The following USP6NL variants were observed in gnomAD, a reference collection of about 807,000 sequenced individuals.
USP6NL encodes USP6 N-terminal like.
A neutral mutation model predicts 61.9 loss-of-function variants in USP6NL; 26 were observed. That is an observed-to-expected ratio of 0.42 (90% confidence interval 0.31 to 0.58). The LOEUF is 0.58. Among genes scored for constraint, USP6NL ranks in the 20% least tolerant of loss-of-function variants. The pLI is 0.16. For missense variants in USP6NL, 1,114 were observed against 1,034.3 expected (o/e 1.08, Z -1.06); for synonymous variants, 432 against 390.1 (o/e 1.11, Z -1.27).
chr10:11,467,915 C>A (rs1832543136), intron 14 of USP6NL, among the ~76,000 whole-genome samples: 1 of 152,174 alleles, frequency 6.6e-6, no homozygotes, highest in Admixed American at 6.5e-5. Flanking sequence ...CATAAATCTG[C>A]AGTTTTGGTG....
rs946857102 is a variant in USP6NL, at chr10:11,490,347, T to C, written c.543+485A>G. Among the ~76,000 whole-genome samples the C allele has an allele frequency of 1.3e-5, 2 of 152,216 alleles. No individual in the cohort carries two copies. Among genetic ancestry groups the C allele is most frequent in the African/African-American group, 2.4e-5 (1 of 41,450 alleles). ...CTGAATGCCTTAAGAAGAGCATGTC[T>C]ATTACCGAAGAGTTTAGCCTCCTCC... On this transcript the variant is annotated intron_variant, in intron 9 of 14. Coordinates refer to ENST00000609104, the MANE Select transcript of USP6NL (RefSeq NM_014688.5). This position sits in a 1 kb window ranked among gnomAD's most constrained non-coding sequence, Gnocchi z 4.5.
At position 11,485,004 on chromosome 10, in the gene USP6NL, C is replaced by A. The variant is rs1346284188; in HGVS notation, c.892G>T (p.Ala298Ser). The change falls in exon 13 of 15, where the codon GCT (alanine) becomes TCT (serine). Residue 298 changes from alanine (A) to serine (S), a missense_variant. Coordinates refer to ENST00000609104, the MANE Select transcript of USP6NL (RefSeq NM_014688.5). The surrounding 1 kb of genome is among the most constrained non-coding windows in gnomAD (Gnocchi z 4.8). ...AATTTTAAGATGGTGTAAGACATAG[C>A]AGTAAGAACTCGTTCTCCTTCAAAG... ...YIFEGERVLT[A>S]MSYTILKLHK... 1 of 1,550,170 alleles carries A rather than the reference C, an allele frequency of 6.5e-7. No individual in the cohort carries two copies. Among genetic ancestry groups the A allele is most frequent in the Admixed American group, 2.0e-5 (1 of 50,564 alleles).
chr10:11,483,751 G>A (rs1023655021), intron 13 of USP6NL, among the ~76,000 whole-genome samples: 6 of 151,472 alleles, frequency 4.0e-5, no homozygotes, highest in African/African-American at 7.3e-5. Context: ...GAGATTTCAC[G>A]AGATCAGATG....
At chr10:11,601,794 T>C (rs114403776) in intron 1 of USP6NL, among the ~76,000 whole-genome samples, 25 of 152,332 alleles carry the variant, frequency 1.6e-4, no homozygotes, top group African/African-American at 5.8e-4. Context: ...CTGATGATTA[T>C]ACATTATCTA....
At chr10:11,541,460 A>G (rs773135713) in intron 2 of USP6NL, among the ~76,000 whole-genome samples, 1 of 151,860 alleles carries the variant, frequency 6.6e-6, no homozygotes, top group Non-Finnish European at 1.5e-5. Flanking sequence ...GAAAATTGGT[A>G]GGTTAACTGC....
rs1836981064 is a variant in USP6NL at position 11,562,464 on chromosome 10, T to C, written c.5-34897A>G. The stretch of plus-strand genomic sequence containing the variant: ...AGACGCAGCAGTCATCACGTATCTC[T>C]GAGGACAAGGATTAAGTGTGGCTGA... On this transcript the variant is annotated intron_variant, in intron 2 of 14. Transcript: ENST00000609104. This position sits in a 1 kb window ranked among gnomAD's most constrained non-coding sequence, Gnocchi z 4.8. The C allele has an allele frequency of 1.0e-6, 1 of 985,278 alleles. No individual in the cohort carries two copies. The highest frequency in any genetic ancestry group is 4.7e-5 in the South Asian group (1 of 21,284). 61.0% of individuals were successfully genotyped at this position (985,278 alleles called of 1,614,324 possible).
chr10:11,488,989 A>T, intron 10 of USP6NL, 113 bp downstream of exon 10: 1 of 1,399,890 alleles, frequency 7.1e-7, no homozygotes, highest in Non-Finnish European at 9.6e-7. Flanking sequence ...GAACTCAACG[A>T]GCCCTGAGAC....
chr10:11,487,471 T>C lies in USP6NL; in HGVS notation c.665-1560A>G, dbSNP rs1484395201. 1.3e-5 allele frequency among the ~76,000 whole-genome samples: 2 copies of C among 152,144 alleles called. No homozygotes were observed. Among genetic ancestry groups the C allele is most frequent in the African/African-American group, 4.8e-5 (2 of 41,426 alleles). Reference sequence around the variant, plus strand: ...TGCTGAAGGTAAGCTATCAAATAGGTTTAAAAGAAATGACCACTTCCTAAA... The same window carrying C: ...TGCTGAAGGTAAGCTATCAAATAGGCTTAAAAGAAATGACCACTTCCTAAA... On this transcript the variant is annotated intron_variant, in intron 10 of 14. Coordinates refer to ENST00000609104, the MANE Select transcript of USP6NL (RefSeq NM_014688.5). This position sits in a 1 kb window ranked among gnomAD's most constrained non-coding sequence, Gnocchi z 4.2.
At chr10:11,569,233 A>G (rs935562193) in intron 2 of USP6NL, among the ~76,000 whole-genome samples, 3 of 152,202 alleles carry the variant, frequency 2.0e-5, no homozygotes, top group Non-Finnish European at 4.4e-5. Context: ...AATATCTGCG[A>G]TATCTGAAAT....
Position 11,463,784 on chromosome 10 carries a change from C to A in USP6NL, c.1144G>T (p.Val382Phe), listed in dbSNP as rs757614959. The change falls in exon 15 of 15, where the codon GTC becomes TTC. Residue 382 changes from valine to phenylalanine, a missense_variant. Transcript: ENST00000609104. The surrounding 1 kb of genome is among the most constrained non-coding windows in gnomAD (Gnocchi z 6.3). ...CTCTGTCCGTTGCTCAAGTGATGGA[C>A]GCCCCAAGACTGAAGTTCAGGTGGA... ...QLPPELQSWG[V>F]HHLSNGQRSV... The A allele has an allele frequency of 6.6e-7, 1 of 1,510,318 alleles. No homozygotes were observed. The highest frequency in any genetic ancestry group is 8.8e-7 in the Non-Finnish European group (1 of 1,130,378). The allele number at this position is 1,510,318 out of a possible 1,614,324, so 93.6% of individuals were successfully genotyped here. A position where few individuals can be genotyped will look rare whatever the true frequency, so the allele number is the denominator to read the frequency against.
Position 11,510,675 on chromosome 10 carries a change from A to G in USP6NL, c.196-1000T>C, listed in dbSNP as rs1178560737. On this transcript the variant is annotated intron_variant, in intron 5 of 14. Coordinates refer to ENST00000609104, the MANE Select transcript of USP6NL (RefSeq NM_014688.5). This position sits in a 1 kb window ranked among gnomAD's most constrained non-coding sequence, Gnocchi z 4.8. The stretch of plus-strand genomic sequence containing the variant: ...ATGAATAAAAAGCAATGAAAATACA[A>G]GTCTACTCAGAAAAGAAAATCATTC... 1.3e-5 allele frequency among the ~76,000 whole-genome samples: 2 copies of G among 152,248 alleles called. No individual in the cohort carries two copies. Among genetic ancestry groups the G allele is most frequent in the Non-Finnish European group, 2.9e-5 (2 of 68,046 alleles).
At chr10:11,571,858 C>T (rs931907984) in intron 2 of USP6NL, among the ~76,000 whole-genome samples, 9 of 150,434 alleles carry the variant, frequency 6.0e-5, no homozygotes, top group South Asian at 4.2e-4. Flanking sequence ...GTATATACTT[C>T]CTGTTTTTCA....
At chr10:11,484,576 T>G (rs1175128659) in intron 13 of USP6NL, among the ~76,000 whole-genome samples, 1 of 152,128 alleles carries the variant, frequency 6.6e-6, no homozygotes, top group Non-Finnish European at 1.5e-5. Flanking sequence ...TCTCCAGCCT[T>G]TTGAACTAAG....
chr10:11,463,402 C>G lies in USP6NL; in HGVS notation c.1526G>C (p.Arg509Pro). The change falls in exon 15 of 15, where the codon CGA (arginine) becomes CCA (proline). Residue 509 changes from arginine to proline, a missense_variant. Physicochemically the swap from Arg to Pro is moderately radical, Grantham distance 103. Coordinates refer to ENST00000609104, the MANE Select transcript of USP6NL (RefSeq NM_014688.5). This position sits in a 1 kb window ranked among gnomAD's most constrained non-coding sequence, Gnocchi z 6.3. ...AACTGCGAGCGCGGGGTGCGCTGCT[C>G]GACCTTTGCCTTCCATGGTGTATTT... ...TAKYTMEGKG[R>P]AAHPALAVTV... 6 of 1,614,018 alleles carry G rather than the reference C, an allele frequency of 3.7e-6. No individual in the cohort carries two copies. The highest frequency in any genetic ancestry group is 5.1e-6 in the Non-Finnish European group (6 of 1,179,900).
rs1833533163 is a variant in USP6NL at position 11,487,774 on chromosome 10, G to A, written c.664+1328C>T. Reference sequence around the variant, plus strand: ...AAGTAATTGGCAAGAAACACTAAGGGAGAAAGACAAATGCAAACACATACA... The same window carrying A: ...AAGTAATTGGCAAGAAACACTAAGGAAGAAAGACAAATGCAAACACATACA... On this transcript the variant is annotated intron_variant, in intron 10 of 14. Transcript: ENST00000609104. This position sits in a 1 kb window ranked among gnomAD's most constrained non-coding sequence, Gnocchi z 4.2. Among the ~76,000 whole-genome samples the A allele has an allele frequency of 4.6e-5, 7 of 152,210 alleles. No homozygotes were observed. The South Asian group carries it at 1.2e-3, about 27-fold the overall frequency.
At chr10:11,581,428 T>C (rs1425763101) in intron 2 of USP6NL, among the ~76,000 whole-genome samples, 1 of 152,260 alleles carries the variant, frequency 6.6e-6, no homozygotes, top group Admixed American at 6.5e-5. Context: ...ATCATACGAA[T>C]AACAACCCAG....
intron 2 of USP6NL, among the ~76,000 whole-genome samples, chr10:11,547,782 C>A (rs1418080747): frequency 6.6e-6 from 1 of 152,078 alleles, no homozygotes; most frequent in African/African-American, 2.4e-5. Flanking sequence ...CCTCGTGATC[C>A]GCCCGCCTTG....
rs1244250073 is a variant in USP6NL at position 11,510,987 on chromosome 10, C to T, written c.196-1312G>A. On this transcript the variant is annotated intron_variant, in intron 5 of 14. Transcript: ENST00000609104. The surrounding 1 kb of genome is among the most constrained non-coding windows in gnomAD (Gnocchi z 4.8). ...CAGCTCCTTACTGACTGTCTGCAAT[C>T]CAGCCTCAAACAGGCAGACATTATG... 2.0e-5 allele frequency among the ~76,000 whole-genome samples: 3 copies of T among 152,240 alleles called. No homozygotes were observed. Among genetic ancestry groups the T allele is most frequent in the African/African-American group, 4.8e-5 (2 of 41,468 alleles).
In USP6NL at chr10:11,523,766, T is replaced by C. The variant is rs575494919; in HGVS notation, c.155+1620A>G. On this transcript the variant is annotated intron_variant, in intron 4 of 14. Coordinates refer to ENST00000609104, the MANE Select transcript of USP6NL (RefSeq NM_014688.5). Reference sequence around the variant, plus strand: ...TGTATTTTATACCATATTTGGACCATCTTATGATTTAAAAAATAAAAATAA... The same window carrying C: ...TGTATTTTATACCATATTTGGACCACCTTATGATTTAAAAAATAAAAATAA... 5.4e-4 allele frequency among the ~76,000 whole-genome samples: 83 copies of C among 152,348 alleles called. No homozygotes were observed. The South Asian group carries it at 0.017, about 30-fold the overall frequency.
Sources: allele counts gnomAD v4.1 joint callset (sites outside exome capture counted in the v4.1 genomes callset), GRCh38; gene constraint gnomAD v4.1.1; non-coding constraint Gnocchi (gnomAD v3.1); transcripts MANE v1.5; gene names NCBI Gene and HGNC (gene_info 2026-07-23, HGNC 2026-07-21).